The following CLEC16A variants were observed in gnomAD, a reference collection of about 807,000 sequenced individuals.
CLEC16A encodes protein CLEC16A.
Under a neutral mutation model 109.5 loss-of-function variants are expected in CLEC16A, and 51 were observed. That is an observed-to-expected ratio of 0.47 (90% CI 0.37 to 0.59). CLEC16A has a LOEUF of 0.59. Ranked by LOEUF, CLEC16A falls within the 20% of genes least tolerant of loss-of-function variation. CLEC16A has a pLI of 0.00. For synonymous variants in CLEC16A, 673 were observed against 564.2 expected, an observed-to-expected ratio of 1.19 and a Z score of -2.73; for missense variants, 1,339 against 1,394.0, an observed-to-expected ratio of 0.96 and a Z score of 0.63.
chr16:11,173,837 G>A (rs991392337), intron 23 of CLEC16A, among the ~76,000 whole-genome samples: 2 of 152,150 alleles, frequency 1.3e-5, no homozygotes, highest in African/African-American at 4.8e-5. Flanking sequence ...CAGATGTTGC[G>A]GATGAACCCA....
intron 19 of CLEC16A, among the ~76,000 whole-genome samples, chr16:11,114,747 T>G (rs1261628849): frequency 6.6e-6 from 1 of 151,872 alleles, no homozygotes. Flanking sequence ...GTACAGGAGT[T>G]CCCTAAAATG....
chr16:11,041,450 A>G lies in CLEC16A; in HGVS notation c.1661-804A>G, dbSNP rs560971587. On this transcript the variant is annotated intron_variant, in intron 14 of 23. Coordinates refer to ENST00000409790, the MANE Select transcript of CLEC16A (RefSeq NM_015226.3). ...GGCAAAGCTGGATCCAGGGGCTCAA[A>G]CAGTATTTTTCTACCTTTGGCCTCT... 8 of 152,340 alleles carry G rather than the reference A, an allele frequency of 5.3e-5. No individual in the cohort carries two copies. The East Asian group carries it at 1.5e-3, about 29-fold the overall frequency. The allele number at this position is 152,340 out of a possible 1,614,324, so 9.4% of individuals were successfully genotyped here.
At chr16:11,096,352 A>G (rs756698205) in intron 19 of CLEC16A, among the ~76,000 whole-genome samples, 5 of 151,540 alleles carry the variant, frequency 3.3e-5, no homozygotes, top group Non-Finnish European at 5.9e-5. Context: ...CTCAAAAAGT[A>G]AAATAAAATA....
intron 11 of CLEC16A, among the ~76,000 whole-genome samples, chr16:11,003,702 CATT>C (rs1481203066): frequency 3.3e-5 from 5 of 152,158 alleles, no homozygotes; most frequent in African/African-American, 1.2e-4. Flanking sequence ...AAGTGTTCGT[CATT>C]ATTATGACAG....
At position 11,178,566 on chromosome 16, in the gene CLEC16A, T is replaced by C; in HGVS notation, c.3038T>C (p.Val1013Ala). The C allele has an allele frequency of 6.2e-7, 1 of 1,612,046 alleles. No homozygotes were observed. The highest frequency in any genetic ancestry group is 8.5e-7 in the Non-Finnish European group (1 of 1,179,790). ...SVESLTLVPPVDPHSLRSLTG... is the reference protein window; with the variant it reads ...SVESLTLVPPADPHSLRSLTG... ...GAATCGCTGACCCTTGTCCCCCCAGTTGACCCCCACAGCCTCCGCAGCCTC... is the reference window on the plus strand; with the variant it reads ...GAATCGCTGACCCTTGTCCCCCCAGCTGACCCCCACAGCCTCCGCAGCCTC... The change falls in exon 24 of 24, where the codon GTT (valine) becomes GCT (alanine). Residue 1013 changes from valine to alanine, a missense_variant. Coordinates refer to ENST00000409790, the MANE Select transcript of CLEC16A (RefSeq NM_015226.3). The surrounding 1 kb of genome is among the most constrained non-coding windows in gnomAD (Gnocchi z 6.5).
chr16:10,995,542 C>G (rs1421191236), intron 10 of CLEC16A, among the ~76,000 whole-genome samples: 2 of 152,172 alleles, frequency 1.3e-5, no homozygotes, highest in East Asian at 3.8e-4. Context: ...TTTAAAAGCC[C>G]CTCCCCTGCC....
At chr16:11,156,154 G>T (rs1018132964) in intron 22 of CLEC16A, among the ~76,000 whole-genome samples, 10 of 152,128 alleles carry the variant, frequency 6.6e-5, no homozygotes, top group Non-Finnish European at 1.0e-4. Flanking sequence ...CTGAGGTCAG[G>T]AGTTTGAGAC....
At position 11,178,851 on chromosome 16, in the gene CLEC16A, C is replaced by A. The variant is rs200415323; in HGVS notation, c.*161C>A. On this transcript the variant is annotated 3_prime_UTR_variant, in exon 24 of 24. Transcript: ENST00000409790. This position sits in a 1 kb window ranked among gnomAD's most constrained non-coding sequence, Gnocchi z 6.5. ...CTCCCTTGAATGGGAAGAAGCCCCA[C>A]GTTGTCCTTGAATTCCTTTTTCACT... The A allele has an allele frequency of 3.5e-6, 2 of 571,548 alleles. No individual in the cohort carries two copies. The highest frequency in any genetic ancestry group is 3.0e-6 in the Non-Finnish European group (1 of 332,138). The allele number at this position is 571,548 out of a possible 1,614,324, so 35.4% of individuals were successfully genotyped here.
At position 10,973,118 on chromosome 16, in the gene CLEC16A, C is replaced by T. The variant is rs990866557; in HGVS notation, c.728+57C>T. The T allele has an allele frequency of 7.0e-5, 107 of 1,527,692 alleles. No homozygotes were observed. In the Admixed American group the frequency reaches 1.4e-3, roughly 20 times the overall value. The allele number at this position is 1,527,692 out of a possible 1,614,324, so 94.6% of individuals were successfully genotyped here. A position where few individuals can be genotyped will look rare whatever the true frequency, so the allele number is the denominator to read the frequency against. On this transcript the variant is annotated intron_variant, in intron 7 of 23. Transcript: ENST00000409790. The stretch of plus-strand genomic sequence containing the variant: ...TAGACAGGGTGGTTAGGGGAGAATT[C>T]TGTTTTCATCAAGGAAAAATAAACA...
At chr16:11,109,933 T>C (rs1304220794) in intron 19 of CLEC16A, among the ~76,000 whole-genome samples, 1 of 152,206 alleles carries the variant, frequency 6.6e-6, no homozygotes. Context: ...GATATCCCCC[T>C]GTAAGGAAAA....
At chr16:11,024,021 C>G (rs1052304505) in intron 12 of CLEC16A, 2 of 152,240 alleles carry the variant, frequency 1.3e-5, no homozygotes, top group African/African-American at 2.4e-5. Context: ...ACAGATCTCA[C>G]CCACAAAGCA....
chr16:10,973,455 T>C (rs1357161151), intron 7 of CLEC16A, among the ~76,000 whole-genome samples: 1 of 152,224 alleles, frequency 6.6e-6, no homozygotes, highest in Non-Finnish European at 1.5e-5. Flanking sequence ...AAAAGCATTA[T>C]GCCTAGTGAA....
At chr16:10,964,661 CGGGGTGACTGGATT>C (rs774836812) in intron 3 of CLEC16A, among the ~76,000 whole-genome samples, 5 of 152,164 alleles carry the variant, frequency 3.3e-5, no homozygotes, top group Non-Finnish European at 7.3e-5. Context: ...CAGCTAGGCA[CGGGGTGACTGGATT>C]GAGATGGGGG....
intron 19 of CLEC16A, among the ~76,000 whole-genome samples, chr16:11,064,570 AG>A (rs1415001512): frequency 1.3e-5 from 2 of 152,178 alleles, no homozygotes; most frequent in African/African-American, 4.8e-5. Flanking sequence ...TGAGCTCAGG[AG>A]TTCAAGACCA....
intron 19 of CLEC16A, among the ~76,000 whole-genome samples, chr16:11,115,180 C>G (rs531011430): frequency 1.3e-5 from 2 of 152,194 alleles, no homozygotes; most frequent in East Asian, 1.9e-4. Flanking sequence ...AGATCAAACT[C>G]TCAGATGAAC....
At chr16:11,015,818 G>A (rs1458284189) in intron 11 of CLEC16A, among the ~76,000 whole-genome samples, 2 of 152,254 alleles carry the variant, frequency 1.3e-5, no homozygotes, top group Non-Finnish European at 2.9e-5. Context: ...TTGGAGCTGA[G>A]TTCCCACTGT....
intron 23 of CLEC16A, among the ~76,000 whole-genome samples, chr16:11,170,254 C>G (rs2068449195): frequency 6.6e-6 from 1 of 152,294 alleles, no homozygotes; most frequent in Non-Finnish European, 1.5e-5. Flanking sequence ...TGAAGGCCTG[C>G]TAACATGTAC....
At chr16:11,134,023 C>T (rs2053406850) in intron 22 of CLEC16A, among the ~76,000 whole-genome samples, 1 of 152,060 alleles carries the variant, frequency 6.6e-6, no homozygotes, top group African/African-American at 2.4e-5. Flanking sequence ...TTCCCAATAG[C>T]CCTCAGAAGG....
intron 12 of CLEC16A, 166 bp from the exon 13 acceptor site, chr16:11,024,655 T>G: frequency 1.8e-6 from 1 of 563,166 alleles, no homozygotes; most frequent in Non-Finnish European, 3.2e-6. Context: ...AGGCAGAGCC[T>G]GTCTCTCATT....
Sources: allele counts gnomAD v4.1 joint callset (sites outside exome capture counted in the v4.1 genomes callset), GRCh38; gene constraint gnomAD v4.1.1; non-coding constraint Gnocchi (gnomAD v3.1); transcripts MANE v1.5; gene names NCBI Gene and HGNC (gene_info 2026-07-23, HGNC 2026-07-21).